Variants in DRG1 observed in about 807,000 individuals in gnomAD.
The protein encoded by DRG1 is developmentally regulated GTP binding protein 1, also known as developmentally-regulated GTP-binding protein 1.
A neutral mutation model predicts 38.8 loss-of-function variants in DRG1; 19 were observed. The observed-to-expected ratio is 0.49, with a 90% CI of 0.34 to 0.72. The LOEUF (loss-of-function observed/expected upper bound fraction) is 0.72, where lower values mean the gene tolerates loss of function less well. DRG1 is among the 30% of genes least tolerant of loss of function. The pLI, the probability that DRG1 is intolerant of heterozygous loss-of-function variation, is 0.01. For missense variants in DRG1, 299 were observed against 444.8 expected (o/e 0.67, Z 2.95); for synonymous variants, 167 against 157.5 (o/e 1.06, Z -0.45).
rs944608187 is a variant in DRG1, at chr22:31,403,201, C to G, written c.339C>G (p.Ile113Met). ...TCATCAGATACAAAGGTGCCAAGAT[C>G]CAGGTGAGTCAAGCCTGCAGACTAA... ...PGVIRYKGAKIQLLDLPGIIE... is the reference protein window; with the variant it reads ...PGVIRYKGAKMQLLDLPGIIE... The change falls in exon 3 of 9, where the codon ATC (isoleucine) becomes ATG (methionine). Residue 113 changes from isoleucine to methionine, a missense_variant. Ile to Met is a conservative substitution (Grantham distance 10). Around this residue, in one of 3 missense-constraint regions of DRG1, gnomAD observed 50 missense variants for 120.6 expected, o/e 0.41. Coordinates refer to ENST00000331457, the MANE Select transcript of DRG1 (RefSeq NM_004147.4). 2 of 1,605,738 alleles carry G rather than the reference C, an allele frequency of 1.2e-6. No homozygotes were observed. The highest frequency in any genetic ancestry group is 1.7e-6 in the Non-Finnish European group (2 of 1,176,652).
chr22:31,405,189 GAC>G (rs2049982246), intron 3 of DRG1, among the ~76,000 whole-genome samples: 1 of 143,838 alleles, frequency 7.0e-6, no homozygotes, highest in African/African-American at 2.6e-5. Flanking sequence ...TTTTTTTTGA[GAC>G]AGAGTCTTGC....
In DRG1 at chr22:31,426,721, C is replaced by T. The variant is rs1349721730; in HGVS notation, c.820C>T (p.His274Tyr). 1.2e-6 allele frequency: 2 copies of T among 1,614,200 alleles called. No individual in the cohort carries two copies. The highest frequency in any genetic ancestry group is 8.5e-7 in the Non-Finnish European group (1 of 1,180,032). Residue 274 changes from histidine (H) to tyrosine (Y), a missense_variant, in exon 7 of 9, where the codon CAC (histidine) becomes TAC (tyrosine). His to Tyr is a moderately conservative substitution (Grantham distance 83). Transcript: ENST00000331457. The stretch of plus-strand genomic sequence containing the variant: ...TCACTGTGTACCCATCTCTGCCCAT[C>T]ACCGCTGGAATTTTGATGACCTATT... ...VPHCVPISAH[H>Y]RWNFDDLLEK... is the part of the protein sequence containing the mutation.
chr22:31,400,078 C>A (rs1173284605), intron 1 of DRG1, among the ~76,000 whole-genome samples: 1 of 152,224 alleles, frequency 6.6e-6, no homozygotes, highest in African/African-American at 2.4e-5. Flanking sequence ...AATCCTGTCC[C>A]TTATTCCATC....
In DRG1 at chr22:31,400,659, T is replaced by C; in HGVS notation, c.82T>C (p.Leu28=). 2 of 1,613,422 alleles carry C rather than the reference T, an allele frequency of 1.2e-6. 1 individual carries two copies. The highest frequency in any genetic ancestry group is 2.2e-5 in the South Asian group (2 of 91,064). The part of the protein sequence containing the change: ...TQKNKATAHH[L]GLLKARLAKL... The stretch of plus-strand genomic sequence containing the variant: ...AAAGAACAAGGCCACAGCACACCAC[T>C]TAGGGCTGCTTAAGGCTCGTCTTGC... Residue 28 remains leucine, a synonymous_variant, in exon 2 of 9, where the codon TTA becomes CTA. Coordinates refer to ENST00000331457, the MANE Select transcript of DRG1 (RefSeq NM_004147.4).
At chr22:31,402,873 A>C (rs754805217) in intron 2 of DRG1, among the ~76,000 whole-genome samples, 156 bp from the exon 3 acceptor site, 3 of 152,028 alleles carry the variant, frequency 2.0e-5, no homozygotes, top group Admixed American at 6.6e-5. Flanking sequence ...TGTGCCCTCA[A>C]GTTTTGTGTG....
intron 1 of DRG1, 68 bp downstream of exon 1, chr22:31,399,793 TGTTCTCCTTTGAGCC>T (rs2049950715): frequency 1.9e-5 from 30 of 1,610,656 alleles, no homozygotes; most frequent in Non-Finnish European, 2.5e-5. Context: ...CGCTCCTTCC[TGTTCTCCTTTGAGCC>T]GCGTCAGGAC....
chr22:31,433,687 G>A (rs1416229382), intron 8 of DRG1, among the ~76,000 whole-genome samples, 185 bp from the exon 9 acceptor site: 6 of 152,166 alleles, frequency 3.9e-5, no homozygotes, highest in Admixed American at 2.6e-4. Context: ...ACAACTTCCA[G>A]AAGTCTTTAC....
In DRG1 at chr22:31,399,623, G is replaced by A; in HGVS notation, c.-61G>A. 1 of 1,611,594 alleles carries A rather than the reference G, an allele frequency of 6.2e-7. No homozygotes were observed. Among genetic ancestry groups the A allele is most frequent in the Non-Finnish European group, 8.5e-7 (1 of 1,177,644 alleles). ...TGCTGCAGTAGCGCCTGGTGGCGGT[G>A]GCAGTTTGCCCGCGGGTGTGTGAAG... On this transcript the variant is annotated 5_prime_UTR_variant, in exon 1 of 9. Coordinates refer to ENST00000331457, the MANE Select transcript of DRG1 (RefSeq NM_004147.4).
intron 3 of DRG1, among the ~76,000 whole-genome samples, chr22:31,406,242 T>C (rs5997977): frequency 0.32 from 48,892 of 151,866 alleles, 8,491 homozygotes; most frequent in East Asian, 0.55. Flanking sequence ...CCTCATGATC[T>C]GCCTGCCTCG....
In DRG1 at chr22:31,420,213, C is replaced by T. The variant is rs200991435; in HGVS notation, c.413-43C>T. 1.5e-3 allele frequency: 2,451 copies of T among 1,597,960 alleles called. 6 individuals are homozygous for T. Among genetic ancestry groups the T allele is most frequent in the Non-Finnish European group, 2.0e-3 (2,293 of 1,171,750 alleles). Reference sequence around the variant, plus strand: ...ACTTGAGTATTTGGGTTAGTTAAGGCTTTATTGAACTTTCTTGCGTATGTT... The same window carrying T: ...ACTTGAGTATTTGGGTTAGTTAAGGTTTTATTGAACTTTCTTGCGTATGTT... On this transcript the variant is annotated intron_variant, in intron 4 of 8. Transcript: ENST00000331457.
chr22:31,434,105 T>A lies in DRG1; in HGVS notation c.*134T>A. On this transcript the variant is annotated 3_prime_UTR_variant, in exon 9 of 9. Coordinates refer to ENST00000331457, the MANE Select transcript of DRG1 (RefSeq NM_004147.4). The stretch of plus-strand genomic sequence containing the variant: ...GGGAGGGAGATGGAGGCACCCAAAC[T>A]GGAACTTCATTTGTCTTACCTTGGT... 2 of 713,556 alleles carry A rather than the reference T, an allele frequency of 2.8e-6. No homozygotes were observed. The highest frequency in any genetic ancestry group is 2.4e-6 in the Non-Finnish European group (1 of 423,276). The allele number at this position is 713,556 out of a possible 1,614,324, so 44.2% of individuals were successfully genotyped here. A position where few individuals can be genotyped will look rare whatever the true frequency, so the allele number is the denominator to read the frequency against.
At chr22:31,412,014 G>C (rs1397788459) in intron 4 of DRG1, among the ~76,000 whole-genome samples, 1 of 151,666 alleles carries the variant, frequency 6.6e-6, no homozygotes, top group East Asian at 1.9e-4. Context: ...ACTTCAGGCC[G>C]GGCACTGTGG....
chr22:31,420,922 G>C (rs1008300351), intron 5 of DRG1, among the ~76,000 whole-genome samples: 5 of 152,112 alleles, frequency 3.3e-5, no homozygotes, highest in African/African-American at 1.2e-4. Flanking sequence ...GGAGATAAGA[G>C]TGTTGGTGTG....
At chr22:31,423,211 A>G in intron 5 of DRG1, 69 bp from the exon 6 acceptor site, 1 of 1,587,470 alleles carries the variant, frequency 6.3e-7, no homozygotes, top group Non-Finnish European at 8.6e-7. Flanking sequence ...AGGTACATGG[A>G]TATTGGTACA....
chr22:31,405,682 G>T lies in DRG1; in HGVS notation c.342+2478G>T, dbSNP rs568371758. Among the ~76,000 whole-genome samples, 12 of 148,854 alleles carry T rather than the reference G, an allele frequency of 8.1e-5. 1 individual carries two copies. Among genetic ancestry groups the T allele is most frequent in the Admixed American group, 5.3e-4 (8 of 14,956 alleles). ...ACTGTTGGGCATGTGTGTGTGTGTGGGGGGGTTTATTTATTTTTTTATTTG... is the reference window on the plus strand; with the variant it reads ...ACTGTTGGGCATGTGTGTGTGTGTGTGGGGGTTTATTTATTTTTTTATTTG... On this transcript the variant is annotated intron_variant, in intron 3 of 8. Coordinates refer to ENST00000331457, the MANE Select transcript of DRG1 (RefSeq NM_004147.4).
intron 8 of DRG1, among the ~76,000 whole-genome samples, chr22:31,428,242 C>T (rs951839512): frequency 8.6e-5 from 13 of 150,758 alleles, no homozygotes; most frequent in Admixed American, 1.3e-4. Flanking sequence ...GACGGAGTCT[C>T]GCTGTGTCGC....
intron 6 of DRG1, among the ~76,000 whole-genome samples, chr22:31,424,560 G>A (rs539120252): frequency 1.0e-4 from 14 of 138,656 alleles, no homozygotes; most frequent in African/African-American, 3.2e-4. Context: ...GTACAGTGGC[G>A]CGATCTTGGC....
intron 5 of DRG1, among the ~76,000 whole-genome samples, chr22:31,421,883 G>A (rs1285095768): frequency 5.9e-5 from 9 of 152,102 alleles, no homozygotes; most frequent in South Asian, 2.1e-4. Context: ...TTGGGAGTCC[G>A]AGGTGGGCGG....
chr22:31,399,854 C>G (rs959334285), intron 1 of DRG1, 129 bp downstream of exon 1: 94 of 1,358,708 alleles, frequency 6.9e-5, no homozygotes, highest in Non-Finnish European at 8.0e-5. Context: ...CAGCGAGGCC[C>G]GTGTTCCGAC....
Sources: gnomAD v4.1 joint callset for allele counts (sites outside exome capture counted in the v4.1 genomes callset) on GRCh38, gnomAD v4.1.1 for gene constraint, gnomAD v4.1.1 regional missense constraint, MANE v1.5 for transcripts, NCBI Gene and HGNC (gene_info 2026-07-23, HGNC 2026-07-21) for gene names.